Variants in FKBP9 observed in about 807,000 individuals in gnomAD.
FKBP9 encodes peptidyl-prolyl cis-trans isomerase FKBP9.
A neutral mutation model predicts 55.6 loss-of-function variants in FKBP9; 27 were observed. The ratio of observed to expected loss-of-function variants is 0.49; its 90% CI spans 0.36 to 0.67. FKBP9 has a LOEUF of 0.67. Among genes scored for constraint, FKBP9 ranks in the 30% least tolerant of loss-of-function variants. The pLI is 0.00. For synonymous variants in FKBP9, 267 were observed against 296.5 expected (o/e 0.90, Z 1.02); for missense variants, 539 against 742.8 (o/e 0.73, Z 3.19).
chr7:32,966,923 G>A (rs1195912258), intron 1 of FKBP9, among the ~76,000 whole-genome samples: 1 of 152,086 alleles, frequency 6.6e-6, no homozygotes, highest in African/African-American at 2.4e-5. Flanking sequence ...CCAACACTGG[G>A]GATTACATTT....
chr7:32,973,682 G>GTT (rs745717239), intron 1 of FKBP9, among the ~76,000 whole-genome samples: 19,677 of 64,706 alleles, frequency 0.3, 6,042 homozygotes, highest in Non-Finnish European at 0.43. Flanking sequence ...GTTTTTTGTT[G>GTT]TTTTTTTTTT....
chr7:32,989,582 A>AT (rs571600373), intron 6 of FKBP9, among the ~76,000 whole-genome samples: 3,015 of 148,126 alleles, frequency 0.02, 75 homozygotes, highest in African/African-American at 0.055. Flanking sequence ...CGCCTGGCTA[A>AT]TTTTTTTTTT....
At chr7:32,997,470 G>A (rs1197856745) in intron 7 of FKBP9, among the ~76,000 whole-genome samples, 1 of 152,112 alleles carries the variant, frequency 6.6e-6, no homozygotes, top group African/African-American at 2.4e-5. Flanking sequence ...TCCCCTCTTG[G>A]CCTCCCAAAG....
chr7:32,998,549 A>G (rs1784861470), intron 7 of FKBP9: 1 of 152,180 alleles, frequency 6.6e-6, no homozygotes, highest in Admixed American at 6.5e-5. Flanking sequence ...TTACATGTAA[A>G]TCTGCAGCAG....
At chr7:32,965,053 A>G (rs1243297714) in intron 1 of FKBP9, among the ~76,000 whole-genome samples, 1 of 152,224 alleles carries the variant, frequency 6.6e-6, no homozygotes, top group Non-Finnish European at 1.5e-5. Flanking sequence ...TGAGGCCCCC[A>G]AAGGGTAGTT....
intron 5 of FKBP9, among the ~76,000 whole-genome samples, chr7:32,982,291 G>A (rs1225225745): frequency 1.3e-5 from 2 of 152,118 alleles, no homozygotes; most frequent in African/African-American, 4.8e-5. Flanking sequence ...AAAGTGCTGG[G>A]ATTATAGTCA....
intron 3 of FKBP9, 51 bp downstream of exon 3, chr7:32,975,422 C>T: frequency 6.8e-7 from 1 of 1,480,690 alleles, no homozygotes; most frequent in Admixed American, 1.7e-5. Context: ...ATGCATAGTT[C>T]TTTCCTTCTG....
chr7:32,966,768 A>C (rs1205573806), intron 1 of FKBP9, among the ~76,000 whole-genome samples: 6 of 152,206 alleles, frequency 3.9e-5, no homozygotes, highest in Middle Eastern at 3.4e-3. Context: ...TCATGGTGGA[A>C]GGGAAAAGGG....
At chr7:32,961,622 G>C (rs977006541) in intron 1 of FKBP9, among the ~76,000 whole-genome samples, 2 of 152,068 alleles carry the variant, frequency 1.3e-5, no homozygotes, top group South Asian at 2.1e-4. Flanking sequence ...GTTAGGAACC[G>C]GGCTGCACAG....
chr7:32,966,052 G>T (rs979463564), intron 1 of FKBP9, among the ~76,000 whole-genome samples: 2 of 148,762 alleles, frequency 1.3e-5, no homozygotes, highest in Non-Finnish European at 3.0e-5. Flanking sequence ...AATTAGCTGG[G>T]CGTGGTAGCG....
intron 1 of FKBP9, among the ~76,000 whole-genome samples, chr7:32,968,968 T>G (rs777509094): frequency 2.6e-4 from 39 of 152,248 alleles, no homozygotes; most frequent in Middle Eastern, 3.4e-3. Context: ...TGCATTGTGG[T>G]TTTTGATTTG....
At position 32,980,500 on chromosome 7, in the gene FKBP9, T is replaced by C. The variant is rs747051449; in HGVS notation, c.840T>C (p.Phe280=). 7.4e-6 allele frequency: 12 copies of C among 1,613,898 alleles called. No individual in the cohort carries two copies. Among genetic ancestry groups the C allele is most frequent in the Non-Finnish European group, 9.3e-6 (11 of 1,179,854 alleles). ...AGCGGATAAGTCAAAGTGGGGACTT[T>C]CTCAGGTATCATTACAATGGCACGC... The part of the protein sequence containing the change: ...NCERISQSGD[F]LRYHYNGTLL... The change falls in exon 5 of 10, where the codon TTT becomes TTC. Residue 280 remains phenylalanine, a synonymous_variant. Transcript: ENST00000242209.
At chr7:32,977,061 G>A (rs1352018529) in intron 4 of FKBP9, among the ~76,000 whole-genome samples, 2 of 152,158 alleles carry the variant, frequency 1.3e-5, no homozygotes, top group African/African-American at 2.4e-5. Flanking sequence ...TTTACCTATG[G>A]CATTAACTCC....
At chr7:32,977,831 CCA>C (rs773441579) in intron 4 of FKBP9, among the ~76,000 whole-genome samples, 1 of 133,260 alleles carries the variant, frequency 7.5e-6, no homozygotes, top group Non-Finnish European at 1.6e-5. Flanking sequence ...ATATACACGC[CCA>C]TATATATATA....
At chr7:32,960,317 G>T (rs1583836001) in intron 1 of FKBP9, among the ~76,000 whole-genome samples, 1 of 152,016 alleles carries the variant, frequency 6.6e-6, no homozygotes, top group Non-Finnish European at 1.5e-5. Flanking sequence ...GTTTCACCAT[G>T]TTGGCCAGGC....
chr7:32,965,843 A>ATATATATATATG (rs1309792242), intron 1 of FKBP9, among the ~76,000 whole-genome samples: 2 of 41,422 alleles, frequency 4.8e-5, no homozygotes, highest in African/African-American at 2.0e-4. Flanking sequence ...ATATATATAT[A>ATATATATATATG]TGTGTGTACA....
Position 32,974,199 on chromosome 7 carries a change from C to G in FKBP9, c.222-418C>G, listed in dbSNP as rs199650103. 5.8e-4 allele frequency among the ~76,000 whole-genome samples: 85 copies of G among 147,136 alleles called. 1 individual carries two copies. The highest frequency in any genetic ancestry group is 3.5e-3 in the Middle Eastern group (1 of 284). ...TATGTATTTATTTATTTAGTAGAGG[C>G]GGGGGGGCCTCACTTTGTTGCCCCG... On this transcript the variant is annotated intron_variant, in intron 1 of 9. Transcript: ENST00000242209.
chr7:32,963,735 A>T lies in FKBP9; in HGVS notation c.221+5941A>T, dbSNP rs1267947558. ...TCTGCCTCTCTCCAAGGGGTTGCAA[A>T]CGGGGCTTCATTCTCTCCCACTAGA... On this transcript the variant is annotated intron_variant, in intron 1 of 9. Coordinates refer to ENST00000242209, the MANE Select transcript of FKBP9 (RefSeq NM_007270.5). The T allele has an allele frequency of 3.1e-6, 4 of 1,303,484 alleles. No individual in the cohort carries two copies. In the Admixed American group the frequency reaches 1.2e-4, roughly 38 times the overall value. 80.7% of individuals were successfully genotyped at this position (1,303,484 alleles called of 1,614,324 possible).
In FKBP9 at chr7:32,996,310, A is replaced by G. The variant is rs550527354; in HGVS notation, c.1187A>G (p.Tyr396Cys). Residue 396 changes from tyrosine (Y) to cysteine (C), a missense_variant, in exon 7 of 10, where the codon TAC (tyrosine) becomes TGC (cysteine). Physicochemically the swap from Tyr to Cys is radical, Grantham distance 194. Transcript: ENST00000242209. Reference protein sequence around the residue: ...SKKGDYLKYHYNASLLDGTLL... With the variant: ...SKKGDYLKYHCNASLLDGTLL... The stretch of plus-strand genomic sequence containing the variant: ...AAGGGAGATTACCTCAAATATCACT[A>G]CAATGCCTCACTTCTGGATGGGACC... The G allele has an allele frequency of 3.1e-6, 5 of 1,613,934 alleles. No individual in the cohort carries two copies. Among genetic ancestry groups the G allele is most frequent in the Admixed American group, 1.7e-5 (1 of 60,012 alleles).
Sources: allele counts gnomAD v4.1 joint callset (sites outside exome capture counted in the v4.1 genomes callset), GRCh38; gene constraint gnomAD v4.1.1; transcripts MANE v1.5; gene names NCBI Gene and HGNC (gene_info 2026-07-23, HGNC 2026-07-21).